The following TAF1B variants were observed in gnomAD, a reference collection of about 807,000 sequenced individuals.
TAF1B encodes the protein TATA box-binding protein-associated factor RNA polymerase I subunit B.
A neutral mutation model predicts 83.9 loss-of-function variants in TAF1B; 61 were observed. The ratio of observed to expected loss-of-function variants is 0.73; its 90% confidence interval spans 0.59 to 0.90. TAF1B has a LOEUF of 0.90. Ranked by LOEUF, TAF1B falls within the 40% of genes least tolerant of loss-of-function variation. The probability of loss-of-function intolerance (pLI) is 0.00; values close to 1 mark genes in which losing one functional copy is unlikely to be tolerated. For missense variants in TAF1B, 625 were observed against 677.0 expected (o/e 0.92, Z 0.85); for synonymous variants, 221 against 224.6 (o/e 0.98, Z 0.14).
chr2:9,851,401 C>A, intron 3 of TAF1B, 140 bp from the exon 4 acceptor site: 3 of 532,256 alleles, frequency 5.6e-6, no homozygotes, highest in Non-Finnish European at 9.3e-6. Context: ...ATTCAAGATG[C>A]TAAGCTGCTA....
At chr2:9,868,791 A>T in intron 6 of TAF1B, 1 of 447,486 alleles carries the variant, frequency 2.2e-6, no homozygotes, top group South Asian at 1.7e-5. Flanking sequence ...AGTAAAATAG[A>T]CAAAGATGGT....
intron 14 of TAF1B, among the ~76,000 whole-genome samples, chr2:9,933,545 G>A (rs942454297): frequency 6.6e-6 from 1 of 152,158 alleles, no homozygotes; most frequent in Non-Finnish European, 1.5e-5. Flanking sequence ...AGAGTTGAAG[G>A]ACCAGCTCTT....
chr2:9,866,688 A>G (rs918003076), intron 5 of TAF1B, among the ~76,000 whole-genome samples: 5 of 152,172 alleles, frequency 3.3e-5, no homozygotes, highest in African/African-American at 1.2e-4. Context: ...AACCAACCCA[A>G]ATGTCCAACA....
At chr2:9,876,780 G>A (rs1229441920) in intron 7 of TAF1B, among the ~76,000 whole-genome samples, 1 of 152,100 alleles carries the variant, frequency 6.6e-6, no homozygotes, top group Non-Finnish European at 1.5e-5. Flanking sequence ...CTCTGCTTTT[G>A]TTTCTTCGTT....
At chr2:9,852,514 C>CG (rs1558613486) in intron 4 of TAF1B, among the ~76,000 whole-genome samples, 2 of 151,438 alleles carry the variant, frequency 1.3e-5, no homozygotes, top group African/African-American at 4.8e-5. Flanking sequence ...TTTTAAGAGA[C>CG]GGAGTCTCGC....
At chr2:9,888,797 T>G (rs903012859) in intron 8 of TAF1B, among the ~76,000 whole-genome samples, 43 of 92,920 alleles carry the variant, frequency 4.6e-4, no homozygotes, top group East Asian at 1.2e-3. Flanking sequence ...TTGGTTTTTT[T>G]TTTTTTTTTT....
chr2:9,907,080 G>T (rs1052944405), intron 9 of TAF1B, among the ~76,000 whole-genome samples: 9 of 151,544 alleles, frequency 5.9e-5, no homozygotes, highest in African/African-American at 2.2e-4. Flanking sequence ...TAGAGATGAG[G>T]TCTTGCCATG....
chr2:9,923,888 G>T (rs1421735791), intron 14 of TAF1B, among the ~76,000 whole-genome samples: 2 of 152,156 alleles, frequency 1.3e-5, no homozygotes, highest in African/African-American at 4.8e-5. Flanking sequence ...GTGAAGACAT[G>T]GTGTGCCATG....
At chr2:9,897,717 A>C (rs1409180291) in intron 8 of TAF1B, among the ~76,000 whole-genome samples, 4 of 152,152 alleles carry the variant, frequency 2.6e-5, no homozygotes, top group African/African-American at 9.7e-5. Context: ...TGAGGGCCTT[A>C]TTGGATTGTT....
rs145190204 is a variant in TAF1B at position 9,848,229 on chromosome 2, A to G, written c.118-1144A>G. On this transcript the variant is annotated intron_variant, in intron 2 of 14. Transcript: ENST00000263663. ...TATGGTTTCTGTGATTAGAGAGACT[A>G]CGTTCCAAAAATCCTGTTGGTAGAG... 8.8e-4 allele frequency among the ~76,000 whole-genome samples: 134 copies of G among 152,344 alleles called. 1 individual carries two copies. The East Asian group carries it at 0.023, about 27-fold the overall frequency.
chr2:9,897,241 A>G (rs572836627), intron 8 of TAF1B, among the ~76,000 whole-genome samples: 50 of 152,250 alleles, frequency 3.3e-4, no homozygotes, highest in Non-Finnish European at 4.6e-4. Context: ...TGTATTAGAT[A>G]CAATTTATTC....
intron 5 of TAF1B, among the ~76,000 whole-genome samples, chr2:9,856,434 CAT>C (rs1663569755): frequency 6.6e-6 from 1 of 151,928 alleles, no homozygotes; most frequent in Admixed American, 6.6e-5. Context: ...ATTTTATAAT[CAT>C]AGAACTATGA....
At chr2:9,878,200 C>G (rs1251453307) in intron 7 of TAF1B, among the ~76,000 whole-genome samples, 2 of 151,486 alleles carry the variant, frequency 1.3e-5, no homozygotes, top group African/African-American at 4.8e-5. Context: ...TAAAATAAGC[C>G]CTTCAGGGGA....
chr2:9,858,602 T>C (rs1293428482), intron 5 of TAF1B, among the ~76,000 whole-genome samples: 1 of 152,266 alleles, frequency 6.6e-6, no homozygotes, highest in Admixed American at 6.5e-5. Flanking sequence ...TGCATCAGAC[T>C]TCTGCCTGGA....
intron 8 of TAF1B, among the ~76,000 whole-genome samples, chr2:9,890,593 A>AT (rs993999993): frequency 4.0e-5 from 6 of 151,456 alleles, no homozygotes; most frequent in South Asian, 4.2e-4. Flanking sequence ...TTGTTGATCT[A>AT]TTTTTTTTCT....
At chr2:9,884,022 C>T (rs1040667347) in intron 8 of TAF1B, among the ~76,000 whole-genome samples, 4 of 152,232 alleles carry the variant, frequency 2.6e-5, no homozygotes, top group African/African-American at 7.2e-5. Flanking sequence ...CGGCCTGGGT[C>T]TCATGCCTGC....
intron 7 of TAF1B, among the ~76,000 whole-genome samples, chr2:9,879,324 T>C (rs1664421024): frequency 6.6e-6 from 1 of 152,162 alleles, no homozygotes; most frequent in South Asian, 2.1e-4. Context: ...ACAGTAGATC[T>C]GAGAATGAGC....
intron 5 of TAF1B, among the ~76,000 whole-genome samples, chr2:9,861,162 G>A (rs1007359375): frequency 2.0e-5 from 3 of 152,248 alleles, no homozygotes; most frequent in Admixed American, 6.5e-5. Flanking sequence ...CGCCTCACCC[G>A]GGAACTGCAA....
intron 14 of TAF1B, among the ~76,000 whole-genome samples, chr2:9,932,847 C>T (rs4669501): frequency 0.18 from 26,885 of 152,162 alleles, 2,992 homozygotes; most frequent in East Asian, 0.3. Context: ...GCTTCCTGAC[C>T]GCTTTGTTTA....
Sources: gnomAD v4.1 joint callset for allele counts (sites outside exome capture counted in the v4.1 genomes callset) on GRCh38, gnomAD v4.1.1 for gene constraint, MANE v1.5 for transcripts, NCBI Gene and HGNC (gene_info 2026-07-23, HGNC 2026-07-21) for gene names.